CADPS: variants seen among roughly 807,000 people sequenced by gnomAD.
CADPS encodes calcium dependent secretion activator.
In CADPS, 57 loss-of-function variants were observed where a neutral mutation model predicts 167.3. The ratio of observed to expected loss-of-function variants is 0.34; its 90% CI spans 0.28 to 0.42. The LOEUF is 0.42. Among genes scored for constraint, CADPS ranks in the 20% least tolerant of loss-of-function variants. CADPS has a pLI of 1.00. For missense variants in CADPS, 1,414 were observed against 1,738.1 expected (o/e 0.81, Z 3.32); for synonymous variants, 676 against 635.3 (o/e 1.06, Z -0.96).
intron 17 of CADPS, among the ~76,000 whole-genome samples, chr3:62,502,997 A>G (rs546317185): frequency 5.3e-5 from 8 of 152,228 alleles, no homozygotes; most frequent in African/African-American, 1.9e-4. Context: ...CAATTCTTCA[A>G]CACTACAGAG....
intron 1 of CADPS, among the ~76,000 whole-genome samples, chr3:62,850,518 C>A (rs1360311901): frequency 7.9e-6 from 1 of 126,232 alleles, no homozygotes; most frequent in Non-Finnish European, 1.7e-5. Context: ...TTTCTGCCTT[C>A]ATTTCGTTAT....
intron 1 of CADPS, among the ~76,000 whole-genome samples, chr3:62,771,999 G>A (rs888213741): frequency 2.0e-5 from 3 of 152,052 alleles, no homozygotes; most frequent in Non-Finnish European, 4.4e-5. Flanking sequence ...ACTGGTTTTG[G>A]GTTTTTCCTC....
intron 16 of CADPS, among the ~76,000 whole-genome samples, chr3:62,513,997 T>C (rs2068437099): frequency 6.6e-6 from 1 of 151,988 alleles, no homozygotes; most frequent in Non-Finnish European, 1.5e-5. Context: ...AAACAAAATT[T>C]CATTGATTTA....
In CADPS at chr3:62,465,430, T is replaced by G. The variant is rs747591987; in HGVS notation, c.3573A>C (p.Gly1191=). The stretch of plus-strand genomic sequence containing the variant: ...CATATCTGGATAATTTTGCCAGCAC[T>G]CCTTCCAAGATAGTAACGAACTAGA... ...LVAKFVTILE[G]VLAKLSRYDE... Residue 1191 remains glycine, a synonymous_variant, in exon 26 of 30, where the codon GGA becomes GGC. Transcript: ENST00000383710. The surrounding 1 kb of genome is among the most constrained non-coding windows in gnomAD (Gnocchi z 4.1). 1 of 1,609,012 alleles carries G rather than the reference T, an allele frequency of 6.2e-7. No individual in the cohort carries two copies. The highest frequency in any genetic ancestry group is 1.1e-5 in the South Asian group (1 of 89,694).
At chr3:62,738,552 C>A (rs567121386) in intron 3 of CADPS, among the ~76,000 whole-genome samples, 1 of 151,884 alleles carries the variant, frequency 6.6e-6, no homozygotes, top group Admixed American at 6.6e-5. Flanking sequence ...GGTGAAACCC[C>A]GTCTCTACTA....
chr3:62,817,335 T>C (rs1290392779), intron 1 of CADPS, among the ~76,000 whole-genome samples: 1 of 152,172 alleles, frequency 6.6e-6, no homozygotes, highest in Non-Finnish European at 1.5e-5. Context: ...TTCAGCACAC[T>C]TTCCTGAGGA....
chr3:62,452,654 G>A (rs564109377), intron 26 of CADPS, among the ~76,000 whole-genome samples: 2 of 152,314 alleles, frequency 1.3e-5, no homozygotes, highest in East Asian at 3.9e-4. Context: ...GGAAATAAAG[G>A]TGGATGGGTA....
intron 3 of CADPS, among the ~76,000 whole-genome samples, chr3:62,690,826 G>T (rs1362738409): frequency 6.6e-6 from 1 of 151,822 alleles, no homozygotes; most frequent in Non-Finnish European, 1.5e-5. Context: ...TTTACTCCTT[G>T]GTATTTACCC....
chr3:62,540,743 G>C (rs922002994), intron 11 of CADPS, among the ~76,000 whole-genome samples: 1 of 152,082 alleles, frequency 6.6e-6, no homozygotes, highest in East Asian at 1.9e-4. Context: ...ACTTGTGGGC[G>C]CTTCCCAAGC....
chr3:62,757,066 G>A (rs1369643222), intron 2 of CADPS, among the ~76,000 whole-genome samples: 2 of 152,308 alleles, frequency 1.3e-5, no homozygotes, highest in Admixed American at 6.5e-5. Flanking sequence ...AAATAGGCAG[G>A]GAGGCCAGTT....
intron 22 of CADPS, among the ~76,000 whole-genome samples, chr3:62,481,480 G>A (rs530364693): frequency 5.8e-4 from 89 of 152,298 alleles, no homozygotes; most frequent in African/African-American, 2.0e-3. Context: ...AATTCAGGAA[G>A]TGAAACATAG....
intron 1 of CADPS, among the ~76,000 whole-genome samples, chr3:62,828,185 T>TC (rs1376241458): frequency 6.6e-6 from 1 of 152,116 alleles, no homozygotes; most frequent in Non-Finnish European, 1.5e-5. Flanking sequence ...AACCCTCCAT[T>TC]CCCCATGGAG....
chr3:62,441,306 T>C (rs1179245680), intron 27 of CADPS, among the ~76,000 whole-genome samples: 1 of 152,210 alleles, frequency 6.6e-6, no homozygotes, highest in Non-Finnish European at 1.5e-5. Flanking sequence ...ACTGCATCCA[T>C]GTGTGGAAGA....
At chr3:62,787,589 A>G (rs1338343752) in intron 1 of CADPS, among the ~76,000 whole-genome samples, 2 of 152,188 alleles carry the variant, frequency 1.3e-5, no homozygotes, top group Non-Finnish European at 2.9e-5. Flanking sequence ...ATAAATGAGT[A>G]CAAAGAAGAG....
At chr3:62,831,243 G>T (rs11712054) in intron 1 of CADPS, among the ~76,000 whole-genome samples, 1 of 151,994 alleles carries the variant, frequency 6.6e-6, no homozygotes, top group East Asian at 1.9e-4. Flanking sequence ...AAAACTCTTC[G>T]AAGTAAACAT....
At chr3:62,513,881 C>T (rs555216033) in intron 16 of CADPS, among the ~76,000 whole-genome samples, 1 of 152,040 alleles carries the variant, frequency 6.6e-6, no homozygotes, top group East Asian at 1.9e-4. Context: ...ACTGGATTAA[C>T]CATTCAGCAT....
At chr3:62,701,331 C>A (rs533938284) in intron 3 of CADPS, among the ~76,000 whole-genome samples, 1 of 151,964 alleles carries the variant, frequency 6.6e-6, no homozygotes, top group African/African-American at 2.4e-5. Flanking sequence ...CTGAAGATCC[C>A]AATACATGGG....
chr3:62,602,197 C>T lies in CADPS; in HGVS notation c.1326-9449G>A, dbSNP rs1399136629. 1.4e-5 allele frequency among the ~76,000 whole-genome samples: 2 copies of T among 141,996 alleles called. No individual in the cohort carries two copies. Among genetic ancestry groups the T allele is most frequent in the Non-Finnish European group, 1.5e-5 (1 of 67,104 alleles). 93.2% of individuals were successfully genotyped at this position (141,996 alleles called of 152,430 possible). Reference sequence around the variant, plus strand: ...TTTACGAATGCATATGTGAGTAAGCCAAGAACACATCTACGTTAGGCAAAT... The same window carrying T: ...TTTACGAATGCATATGTGAGTAAGCTAAGAACACATCTACGTTAGGCAAAT... On this transcript the variant is annotated intron_variant, in intron 6 of 29. Coordinates refer to ENST00000383710, the MANE Select transcript of CADPS (RefSeq NM_003716.4). This position sits in a 1 kb window ranked among gnomAD's most constrained non-coding sequence, Gnocchi z 4.4.
chr3:62,420,536 T>A lies in CADPS; in HGVS notation c.3778-17351A>T, dbSNP rs1009416294. On this transcript the variant is annotated intron_variant, in intron 28 of 29. Coordinates refer to ENST00000383710, the MANE Select transcript of CADPS (RefSeq NM_003716.4). This position sits in a 1 kb window ranked among gnomAD's most constrained non-coding sequence, Gnocchi z 4.1. The stretch of plus-strand genomic sequence containing the variant: ...TGGAGGAGGGAAGATGGCAGCAGAT[T>A]GGGGAGAGCATGGCAGGCAGCACAG... Among the ~76,000 whole-genome samples the A allele has an allele frequency of 1.3e-5, 2 of 151,982 alleles. No individual in the cohort carries two copies. Among genetic ancestry groups the A allele is most frequent in the Admixed American group, 6.6e-5 (1 of 15,254 alleles).
Sources: allele counts gnomAD v4.1 joint callset (sites outside exome capture counted in the v4.1 genomes callset), GRCh38; gene constraint gnomAD v4.1.1; non-coding constraint Gnocchi (gnomAD v3.1); transcripts MANE v1.5; gene names NCBI Gene and HGNC (gene_info 2026-07-23, HGNC 2026-07-21).